NMBR: variants seen among roughly 807,000 people sequenced by gnomAD.
NMBR encodes the protein neuromedin B receptor.
In NMBR, 16 loss-of-function variants were observed where a neutral mutation model predicts 20.5. The observed-to-expected ratio is 0.78, with a 90% CI of 0.53 to 1.19. The LOEUF (loss-of-function observed/expected upper bound fraction) is 1.19. Among genes scored for constraint, NMBR ranks in the 50% most tolerant of loss-of-function variants. NMBR has a pLI of 0.00. For synonymous variants in NMBR, 212 were observed against 196.6 expected, an observed-to-expected ratio of 1.08 and a Z score of -0.65; for missense variants, 582 against 499.1, an observed-to-expected ratio of 1.17 and a Z score of -1.58.
At chr6:142,139,731 C>T (rs1778332436) in intron 1 of NMBR, among the ~76,000 whole-genome samples, 1 of 152,184 alleles carries the variant, frequency 6.6e-6, no homozygotes, top group African/African-American at 2.4e-5. Context: ...AAATTCACTA[C>T]CGACCTACTA....
At chr6:142,125,504 TATAC>T (rs1157484599) in intron 1 of NMBR, among the ~76,000 whole-genome samples, 34 of 151,950 alleles carry the variant, frequency 2.2e-4, no homozygotes, top group Non-Finnish European at 7.4e-5. Flanking sequence ...CATATACACA[TATAC>T]ATACATACAC....
At chr6:142,133,275 G>T in intron 1 of NMBR, 1 of 541,728 alleles carries the variant, frequency 1.8e-6, no homozygotes, top group South Asian at 2.6e-5. Flanking sequence ...AAGTCTTGGT[G>T]AATAAATTCT....
chr6:142,132,802 T>C (rs980409885), intron 1 of NMBR, among the ~76,000 whole-genome samples: 1 of 152,180 alleles, frequency 6.6e-6, no homozygotes, highest in African/African-American at 2.4e-5. Context: ...TTTAGGTAAT[T>C]GCAGAAGCGT....
At chr6:142,100,000 GACA>G (rs1468059227) in intron 1 of NMBR, among the ~76,000 whole-genome samples, 1 of 152,054 alleles carries the variant, frequency 6.6e-6, no homozygotes, top group Non-Finnish European at 1.5e-5. Context: ...TGCAAATTAA[GACA>G]ACAAGATACC....
chr6:142,077,606 C>T (rs1033783049), intron 3 of NMBR, among the ~76,000 whole-genome samples: 2 of 152,158 alleles, frequency 1.3e-5, no homozygotes, highest in African/African-American at 4.8e-5. Context: ...ATGTTGATGG[C>T]CACCAATTCA....
chr6:142,127,953 C>A (rs1778066946), intron 1 of NMBR, among the ~76,000 whole-genome samples: 1 of 151,806 alleles, frequency 6.6e-6, no homozygotes, highest in South Asian at 2.1e-4. Flanking sequence ...AATTTTACTT[C>A]TTTTTTTCTG....
chr6:142,126,411 T>C (rs1410314226), intron 1 of NMBR, among the ~76,000 whole-genome samples: 1 of 151,916 alleles, frequency 6.6e-6, no homozygotes, highest in Non-Finnish European at 1.5e-5. Context: ...TTTCATTCCC[T>C]TCAGGTTTAT....
At chr6:142,089,632 G>A (rs1777283076) in intron 1 of NMBR, among the ~76,000 whole-genome samples, 1 of 152,030 alleles carries the variant, frequency 6.6e-6, no homozygotes, top group South Asian at 2.1e-4. Context: ...TCGTATAAAT[G>A]GAATCATTCA....
rs111616471 is a variant in NMBR at position 142,077,766 on chromosome 6, G to A, written c.771+789C>T. Among the ~76,000 whole-genome samples, 583 of 152,232 alleles carry A rather than the reference G, an allele frequency of 3.8e-3. 4 individuals carry two copies. Among genetic ancestry groups the A allele is most frequent in the African/African-American group, 0.013 (548 of 41,538 alleles). On this transcript the variant is annotated intron_variant, in intron 3 of 3. Transcript: ENST00000258042. Reference sequence around the variant, plus strand: ...TGCCTTTAATTTGGAAACAAGCATCGGTAACTACTCTGTACCTGCAAAACC... The same window carrying A: ...TGCCTTTAATTTGGAAACAAGCATCAGTAACTACTCTGTACCTGCAAAACC...
chr6:142,089,648 C>T (rs1777283330), intron 1 of NMBR, among the ~76,000 whole-genome samples: 1 of 152,110 alleles, frequency 6.6e-6, no homozygotes, highest in South Asian at 2.1e-4. Context: ...ATTCAGCATA[C>T]ACTCTTGTGT....
intron 1 of NMBR, among the ~76,000 whole-genome samples, chr6:142,095,027 G>C (rs1010341702): frequency 6.6e-6 from 1 of 152,134 alleles, no homozygotes; most frequent in Non-Finnish European, 1.5e-5. Context: ...TGCTGGAGTT[G>C]CCTATCCGCT....
intron 1 of NMBR, among the ~76,000 whole-genome samples, chr6:142,094,736 C>T (rs1777409947): frequency 6.6e-6 from 1 of 152,106 alleles, no homozygotes; most frequent in Non-Finnish European, 1.5e-5. Flanking sequence ...TATAAATTAC[C>T]TTGGGCAGTA....
chr6:142,079,245 T>A (rs1777043597), intron 2 of NMBR, among the ~76,000 whole-genome samples: 3 of 152,000 alleles, frequency 2.0e-5, no homozygotes, highest in African/African-American at 7.2e-5. Flanking sequence ...AACATTCTGC[T>A]TAGTAAGAGA....
At chr6:142,080,473 G>T (rs930493303) in intron 2 of NMBR, among the ~76,000 whole-genome samples, 1 of 151,808 alleles carries the variant, frequency 6.6e-6, no homozygotes. Context: ...ACCAAGCCTA[G>T]CTAATTTTTG....
chr6:142,077,956 A>T (rs761562318), intron 3 of NMBR, among the ~76,000 whole-genome samples: 1 of 152,240 alleles, frequency 6.6e-6, no homozygotes, highest in Non-Finnish European at 1.5e-5. Flanking sequence ...TGTAATTTTT[A>T]AATGAGCGTA....
intron 1 of NMBR, among the ~76,000 whole-genome samples, chr6:142,118,204 G>A (rs1470906436): frequency 6.6e-6 from 1 of 151,954 alleles, no homozygotes; most frequent in Non-Finnish European, 1.5e-5. Flanking sequence ...TGGTATTAAA[G>A]TGATTGGAAA....
chr6:142,078,829 C>A lies in NMBR; in HGVS notation c.497G>T (p.Gly166Val), dbSNP rs1380994994. ...CAGCAACACGGAGACCACCCAGATA[C>A]CCATGGCCTTCACACAGGTCCGCAG... Reference protein sequence around the residue: ...ALLRTCVKAMGIWVVSVLLAV... With the variant: ...ALLRTCVKAMVIWVVSVLLAV... The change falls in exon 3 of 4, where the codon GGT becomes GTT. Residue 166 changes from glycine to valine, a missense_variant. Transcript: ENST00000258042. 1 of 1,613,768 alleles carries A rather than the reference C, an allele frequency of 6.2e-7. No homozygotes were observed. Among genetic ancestry groups the A allele is most frequent in the East Asian group, 2.2e-5 (1 of 44,852 alleles).
rs1273504532 is a variant in NMBR, at chr6:142,074,578, C to T, written c.*1070G>A. 1.3e-5 allele frequency among the ~76,000 whole-genome samples: 2 copies of T among 151,990 alleles called. No homozygotes were observed. Among genetic ancestry groups the T allele is most frequent in the Non-Finnish European group, 2.9e-5 (2 of 67,970 alleles). On this transcript the variant is annotated 3_prime_UTR_variant, in exon 4 of 4. Coordinates refer to ENST00000258042, the MANE Select transcript of NMBR (RefSeq NM_002511.4). ...TTTGCATTTTCCTAAAAAAAGAAGA[C>T]ATTTGTTCAGAGAAAACTGTGGTAT...
chr6:142,083,922 AT>A (rs1249991691), intron 2 of NMBR, among the ~76,000 whole-genome samples: 3 of 152,212 alleles, frequency 2.0e-5, no homozygotes, highest in African/African-American at 7.2e-5. Flanking sequence ...TCACTCTAGC[AT>A]TATAGGGTAA....
Sources: gnomAD v4.1 joint callset for allele counts (sites outside exome capture counted in the v4.1 genomes callset) on GRCh38, gnomAD v4.1.1 for gene constraint, MANE v1.5 for transcripts, NCBI Gene and HGNC (gene_info 2026-07-23, HGNC 2026-07-21) for gene names.